DLGAP3: variants seen among roughly 807,000 people sequenced by gnomAD.
The protein encoded by DLGAP3 is DLG associated protein 3.
A neutral mutation model predicts 81.2 loss-of-function variants in DLGAP3; 17 were observed. The ratio of observed to expected loss-of-function variants is 0.21; its 90% confidence interval spans 0.14 to 0.31. The LOEUF is 0.31. DLGAP3 is among the 10% of genes least tolerant of loss of function. The probability of loss-of-function intolerance (pLI) is 1.00; values close to 1 mark genes in which losing one functional copy is unlikely to be tolerated. For missense variants in DLGAP3, 1,124 were observed against 1,388.0 expected (o/e 0.81, Z 3.02); for synonymous variants, 577 against 587.4 (o/e 0.98, Z 0.26).
chr1:34,885,463 C>A lies in DLGAP3; in HGVS notation c.1914+15G>T. 1 of 1,604,868 alleles carries A rather than the reference C, an allele frequency of 6.2e-7. No individual in the cohort carries two copies. On this transcript the variant is annotated intron_variant, in intron 7 of 11. Transcript: ENST00000373347. The stretch of plus-strand genomic sequence containing the variant: ...CCAGGGTCAGAGCCCTCGTGGGCGC[C>A]TCCCCGTTCCATACCTGCACCCCAA...
At chr1:34,922,391 C>T (rs1005802502) in intron 1 of DLGAP3, among the ~76,000 whole-genome samples, 8 of 152,184 alleles carry the variant, frequency 5.3e-5, no homozygotes, top group African/African-American at 1.7e-4. Flanking sequence ...CTCTTTCTTA[C>T]ATTTATTCAC....
At chr1:34,916,178 C>T (rs1034524724) in intron 1 of DLGAP3, among the ~76,000 whole-genome samples, 12 of 152,240 alleles carry the variant, frequency 7.9e-5, no homozygotes, top group East Asian at 1.9e-4. Context: ...AAAAGGAAGG[C>T]GATGACTCCC....
At position 34,900,326 on chromosome 1, in the gene DLGAP3, G is replaced by A. The variant is rs1639437257; in HGVS notation, c.1108-53C>T. The A allele has an allele frequency of 2.5e-6, 4 of 1,575,442 alleles. No individual in the cohort carries two copies. The highest frequency in any genetic ancestry group is 3.5e-6 in the Non-Finnish European group (4 of 1,149,116). On this transcript the variant is annotated intron_variant, in intron 3 of 11. Coordinates refer to ENST00000373347, the MANE Select transcript of DLGAP3 (RefSeq NM_001080418.3). This position sits in a 1 kb window ranked among gnomAD's most constrained non-coding sequence, Gnocchi z 5.6. ...AGACATGACCCTAGTAAATCTAGAG[G>A]CCAGGACTCTTTCCCCACTGCCAGT...
intron 6 of DLGAP3, 117 bp downstream of exon 6, chr1:34,885,955 C>T: frequency 8.2e-7 from 1 of 1,225,368 alleles, no homozygotes; most frequent in South Asian, 1.5e-5. Flanking sequence ...CCCCGTCATC[C>T]GACCCCGGGA....
chr1:34,914,012 G>A (rs1639679381), intron 1 of DLGAP3, among the ~76,000 whole-genome samples: 1 of 152,040 alleles, frequency 6.6e-6, no homozygotes, highest in Non-Finnish European at 1.5e-5. Context: ...AAGGAAAAAG[G>A]TGGCCCTCCC....
chr1:34,900,010 C>A lies in DLGAP3; in HGVS notation c.1313+58G>T. The A allele has an allele frequency of 6.9e-7, 1 of 1,456,844 alleles. No homozygotes were observed. The allele number at this position is 1,456,844 out of a possible 1,614,324, so 90.2% of individuals were successfully genotyped here. A position where few individuals can be genotyped will look rare whatever the true frequency, so the allele number is the denominator to read the frequency against. ...TGGCACCCACTCTACACACATCTCC[C>A]GCAGGAGTCCAGCATCAGCCTCCTG... On this transcript the variant is annotated intron_variant, in intron 4 of 11. Transcript: ENST00000373347. The surrounding 1 kb of genome is among the most constrained non-coding windows in gnomAD (Gnocchi z 5.6).
intron 11 of DLGAP3, 78 bp from the exon 12 acceptor site, chr1:34,866,379 C>CTGAGGAAG (rs1638878833): frequency 2.4e-6 from 3 of 1,255,712 alleles, no homozygotes; most frequent in East Asian, 2.6e-5. Context: ...CACCCCCGCG[C>CTGAGGAAG]CCAGAGTGCT....
chr1:34,925,080 C>G (rs1639848606), intron 1 of DLGAP3, among the ~76,000 whole-genome samples: 1 of 152,118 alleles, frequency 6.6e-6, no homozygotes, highest in South Asian at 2.1e-4. Flanking sequence ...ACCCAGGATG[C>G]CAGGAAGGAA....
In DLGAP3 at chr1:34,867,435, C is replaced by G. The variant is rs909947527; in HGVS notation, c.2577+101G>C. 2.0e-5 allele frequency: 23 copies of G among 1,145,208 alleles called. No homozygotes were observed. Among genetic ancestry groups the G allele is most frequent in the Admixed American group, 1.0e-4 (6 of 59,434 alleles). 70.9% of individuals were successfully genotyped at this position (1,145,208 alleles called of 1,614,324 possible). ...AAGGCATGCAGGCCTGGTCTCACCT[C>G]TGGTACACACTCACTCTGGGTCACC... is the stretch of plus-strand genomic sequence containing the variant. On this transcript the variant is annotated intron_variant, in intron 10 of 11. Coordinates refer to ENST00000373347, the MANE Select transcript of DLGAP3 (RefSeq NM_001080418.3). The surrounding 1 kb of genome is among the most constrained non-coding windows in gnomAD (Gnocchi z 4.3).
In DLGAP3 at chr1:34,899,997, T is replaced by C. The variant is rs538664926; in HGVS notation, c.1313+71A>G. 4.4e-6 allele frequency: 6 copies of C among 1,363,416 alleles called. No individual in the cohort carries two copies. In the Admixed American group the frequency reaches 5.5e-5, roughly 13 times the overall value. The allele number at this position is 1,363,416 out of a possible 1,614,324, so 84.5% of individuals were successfully genotyped here. A position where few individuals can be genotyped will look rare whatever the true frequency, so the allele number is the denominator to read the frequency against. On this transcript the variant is annotated intron_variant, in intron 4 of 11. Coordinates refer to ENST00000373347, the MANE Select transcript of DLGAP3 (RefSeq NM_001080418.3). ...AGGACTACCTGACTGGCACCCACTC[T>C]ACACACATCTCCCGCAGGAGTCCAG... is the stretch of plus-strand genomic sequence containing the variant.
chr1:34,927,492 C>T (rs1639892420), intron 1 of DLGAP3, among the ~76,000 whole-genome samples: 1 of 152,214 alleles, frequency 6.6e-6, no homozygotes, highest in African/African-American at 2.4e-5. Context: ...TGTGAGCCCC[C>T]TGGCACAAAA....
At chr1:34,910,150 C>T (rs1639617493) in intron 1 of DLGAP3, among the ~76,000 whole-genome samples, 1 of 152,188 alleles carries the variant, frequency 6.6e-6, no homozygotes, top group African/African-American at 2.4e-5. Flanking sequence ...TCAGTTCTGG[C>T]ATCATCGGGC....
Position 34,866,094 on chromosome 1 carries a change from T to C in DLGAP3, c.2929A>G (p.Thr977Ala). Residue 977 changes from threonine (T) to alanine (A), a missense_variant, in exon 12 of 12, where the codon ACC becomes GCC. By Grantham distance (58) the Thr-to-Ala change is moderately conservative. Transcript: ENST00000373347. ...GCGGGCCGGACCGGTCACAGCCTGGTCTGGGCCTCGGGGATGTAGATCTCG... is the reference window on the plus strand; with the variant it reads ...GCGGGCCGGACCGGTCACAGCCTGGCCTGGGCCTCGGGGATGTAGATCTCG... ...SIEIYIPEAQ[T>A]RL 6.3e-7 allele frequency: 1 copy of C among 1,598,102 alleles called. No homozygotes were observed. Among genetic ancestry groups the C allele is most frequent in the Non-Finnish European group, 8.5e-7 (1 of 1,178,732 alleles).
intron 1 of DLGAP3, among the ~76,000 whole-genome samples, chr1:34,916,708 T>G (rs967255835): frequency 1.5e-5 from 2 of 134,090 alleles, no homozygotes; most frequent in African/African-American, 5.6e-5. Context: ...TTTATTTTAT[T>G]TATTTAGAGA....
intron 11 of DLGAP3, among the ~76,000 whole-genome samples, chr1:34,866,598 T>G (rs1215001492): frequency 6.6e-6 from 1 of 151,414 alleles, no homozygotes; most frequent in Non-Finnish European, 1.5e-5. Flanking sequence ...AAGGAGGGAG[T>G]TCCCGACCCA....
At position 34,867,483 on chromosome 1, in the gene DLGAP3, C is replaced by T; in HGVS notation, c.2577+53G>A. 2 of 1,499,346 alleles carry T rather than the reference C, an allele frequency of 1.3e-6. No homozygotes were observed. Among genetic ancestry groups the T allele is most frequent in the Non-Finnish European group, 1.9e-6 (2 of 1,075,114 alleles). 92.9% of individuals were successfully genotyped at this position (1,499,346 alleles called of 1,614,324 possible). ...ACCTGCCTGTCTCACCTCCAGCACACACACACTCTGGGTCACATGTATCTG... is the reference window on the plus strand; with the variant it reads ...ACCTGCCTGTCTCACCTCCAGCACATACACACTCTGGGTCACATGTATCTG... On this transcript the variant is annotated intron_variant, in intron 10 of 11. Transcript: ENST00000373347. This position sits in a 1 kb window ranked among gnomAD's most constrained non-coding sequence, Gnocchi z 4.3.
Position 34,866,116 on chromosome 1 carries a change from C to A in DLGAP3, c.2907G>T (p.Glu969Asp). ...TGGTCTGGGCCTCGGGGATGTAGAT[C>A]TCGATGCTGTCGGCGCTCTCGGTGG... ...SSATESADSI[E>D]IYIPEAQTRL is the part of the protein sequence containing the mutation. Residue 969 changes from glutamate (E) to aspartate (D), a missense_variant, in exon 12 of 12, where the codon GAG becomes GAT. Physicochemically the swap from Glu to Asp is conservative, Grantham distance 45 (BLOSUM62 2). Around this residue, in one of 9 missense-constraint regions of DLGAP3, gnomAD observed 133 missense variants for 171.1 expected, o/e 0.78. Coordinates refer to ENST00000373347, the MANE Select transcript of DLGAP3 (RefSeq NM_001080418.3). 6.3e-7 allele frequency: 1 copy of A among 1,599,814 alleles called. No individual in the cohort carries two copies. The highest frequency in any genetic ancestry group is 8.5e-7 in the Non-Finnish European group (1 of 1,179,260).
At position 34,885,626 on chromosome 1, in the gene DLGAP3, G is replaced by T. The variant is rs1239732231; in HGVS notation, c.1766C>A (p.Ala589Asp). 2 of 1,543,458 alleles carry T rather than the reference G, an allele frequency of 1.3e-6. No individual in the cohort carries two copies. The highest frequency in any genetic ancestry group is 1.7e-6 in the Non-Finnish European group (2 of 1,149,720). The change falls in exon 7 of 12, where the codon GCC becomes GAC. Residue 589 changes from alanine (A) to aspartate (D), a missense_variant. By Grantham distance (126) the Ala-to-Asp change is moderately radical (BLOSUM62 -2). Transcript: ENST00000373347. Reference sequence around the variant, plus strand: ...CAACTCCAGTGTGCGCGCACCCATGGCGGGGCCGTCCAGCCCGTCGGCGGA... The same window carrying T: ...CAACTCCAGTGTGCGCGCACCCATGTCGGGGCCGTCCAGCCCGTCGGCGGA... ...CSSADGLDGP[A>D]MGARTLELAP...
At chr1:34,908,563 G>A (rs375443532) in intron 1 of DLGAP3, among the ~76,000 whole-genome samples, 7 of 152,182 alleles carry the variant, frequency 4.6e-5, no homozygotes, top group South Asian at 4.1e-4. Flanking sequence ...TGCAGCAGCC[G>A]TGACTGGAAG....
Sources: gnomAD v4.1 joint callset for allele counts (sites outside exome capture counted in the v4.1 genomes callset) on GRCh38, gnomAD v4.1.1 for gene constraint, gnomAD v4.1.1 regional missense constraint, Gnocchi (gnomAD v3.1) non-coding constraint, MANE v1.5 for transcripts, NCBI Gene and HGNC (gene_info 2026-07-23, HGNC 2026-07-21) for gene names.